The following REEP1 variants were observed in gnomAD, a reference collection of about 807,000 sequenced individuals.
REEP1 encodes receptor expression-enhancing protein 1.
REEP1 carries 22 observed loss-of-function variants against 40.3 expected under a neutral mutation model. The observed-to-expected ratio is 0.55, with a 90% CI of 0.39 to 0.78. The LOEUF (loss-of-function observed/expected upper bound fraction) is 0.78. Ranked by LOEUF, REEP1 falls within the 30% of genes least tolerant of loss-of-function variation. The pLI, the probability that REEP1 is intolerant of heterozygous loss-of-function variation, is 0.00. For missense variants in REEP1, 280 were observed against 361.1 expected, an observed-to-expected ratio of 0.78 and a Z score of 1.82; for synonymous variants, 116 against 139.2, an observed-to-expected ratio of 0.83 and a Z score of 1.17.
Position 86,290,686 on chromosome 2 carries a change from G to A in REEP1, c.33-8444C>T, listed in dbSNP as rs1678648379. On this transcript the variant is annotated intron_variant, in intron 1 of 8. Transcript: ENST00000538924. ...GAAAGGACTGTCTCAGATACGCTGTGGGCCTGGGATCTAAGTGCTTGAGAA... is the reference window on the plus strand; with the variant it reads ...GAAAGGACTGTCTCAGATACGCTGTAGGCCTGGGATCTAAGTGCTTGAGAA... Among the ~76,000 whole-genome samples, 4 of 152,194 alleles carry A rather than the reference G, an allele frequency of 2.6e-5. No homozygotes were observed. In the South Asian group the frequency reaches 8.3e-4, roughly 32 times the overall value.
chr2:86,249,223 A>C (rs1676137144), intron 5 of REEP1, among the ~76,000 whole-genome samples: 1 of 151,796 alleles, frequency 6.6e-6, no homozygotes, highest in African/African-American at 2.4e-5. Context: ...TTGTACCACT[A>C]TACTCCAGCC....
At chr2:86,259,336 T>C (rs1676734717) in intron 3 of REEP1, among the ~76,000 whole-genome samples, 1 of 151,878 alleles carries the variant, frequency 6.6e-6, no homozygotes. Flanking sequence ...TACTCTTCAG[T>C]GTATTGTTTC....
chr2:86,263,081 G>A (rs918568812), intron 3 of REEP1, among the ~76,000 whole-genome samples: 1 of 152,140 alleles, frequency 6.6e-6, no homozygotes, highest in African/African-American at 2.4e-5. Context: ...TAAAAATTAG[G>A]TAGATGTATT....
chr2:86,256,120 G>A (rs1456516983), intron 3 of REEP1, among the ~76,000 whole-genome samples: 1 of 152,012 alleles, frequency 6.6e-6, no homozygotes, highest in Non-Finnish European at 1.5e-5. Flanking sequence ...AGGAAGAGGT[G>A]GGTGGATCAC....
intron 3 of REEP1, among the ~76,000 whole-genome samples, chr2:86,255,853 C>T (rs77883234): frequency 0.027 from 4,125 of 152,302 alleles, 99 homozygotes; most frequent in Non-Finnish European, 0.038. Context: ...AGAGCTTGGT[C>T]TGAATTTCAG....
chr2:86,333,943 C>T (rs1680887300), intron 1 of REEP1, among the ~76,000 whole-genome samples: 2 of 152,182 alleles, frequency 1.3e-5, no homozygotes, highest in African/African-American at 4.8e-5. Context: ...TCAAACTGGT[C>T]CTCACTCTAA....
At chr2:86,263,800 C>T (rs969386337) in intron 3 of REEP1, among the ~76,000 whole-genome samples, 165 bp downstream of exon 3, 2 of 152,200 alleles carry the variant, frequency 1.3e-5, no homozygotes, top group African/African-American at 4.8e-5. Flanking sequence ...ACTTGAAGAA[C>T]AACTTTGTGG....
chr2:86,289,026 T>C (rs1270940471), intron 1 of REEP1, among the ~76,000 whole-genome samples: 1 of 152,216 alleles, frequency 6.6e-6, no homozygotes, highest in African/African-American at 2.4e-5. Flanking sequence ...ATGTTTTTCC[T>C]CAATATAAGC....
intron 1 of REEP1, among the ~76,000 whole-genome samples, chr2:86,286,603 T>G (rs557418736): frequency 1.3e-5 from 2 of 152,262 alleles, no homozygotes; most frequent in South Asian, 4.1e-4. Context: ...AATGCTCTGA[T>G]AGTGGGGGAT....
intron 1 of REEP1, among the ~76,000 whole-genome samples, chr2:86,282,853 A>C (rs929540073): frequency 2.6e-5 from 4 of 152,164 alleles, no homozygotes; most frequent in Admixed American, 6.5e-5. Context: ...ATCTATGCTC[A>C]GGGCTGCGTT....
chr2:86,301,956 C>T (rs763091954), intron 1 of REEP1, among the ~76,000 whole-genome samples: 14 of 152,190 alleles, frequency 9.2e-5, no homozygotes, highest in Non-Finnish European at 2.1e-4. Flanking sequence ...GTCATGACCT[C>T]CCCCCACCAT....
intron 6 of REEP1, among the ~76,000 whole-genome samples, chr2:86,229,141 G>A (rs909071628): frequency 3.3e-5 from 5 of 152,184 alleles, no homozygotes; most frequent in Non-Finnish European, 7.3e-5. Context: ...ACAACCCTAA[G>A]ACATAGGCTG....
rs2161895 is a variant in REEP1 at position 86,277,035 on chromosome 2, G to T, written c.105+5135C>A. Among the ~76,000 whole-genome samples the T allele has an allele frequency of 4.9e-3, 750 of 152,258 alleles. 4 individuals carry two copies. The highest frequency in any genetic ancestry group is 8.4e-3 in the Non-Finnish European group (573 of 68,026). ...ATGCTTCCAACAGGGGATACAAAAT[G>T]GTTTCAATGAAGTGGAAGCAGAGAC... On this transcript the variant is annotated intron_variant, in intron 2 of 8. Coordinates refer to ENST00000538924, the MANE Select transcript of REEP1 (RefSeq NM_001371279.1).
chr2:86,277,992 A>G (rs1677859886), intron 2 of REEP1, among the ~76,000 whole-genome samples: 1 of 152,216 alleles, frequency 6.6e-6, no homozygotes, highest in Non-Finnish European at 1.5e-5. Context: ...TTATTAACAA[A>G]TCCATTTCAA....
At chr2:86,312,491 A>C (rs1279154003) in intron 1 of REEP1, among the ~76,000 whole-genome samples, 1 of 152,192 alleles carries the variant, frequency 6.6e-6, no homozygotes, top group Non-Finnish European at 1.5e-5. Context: ...AGACAACACA[A>C]GAGCTGTAAA....
rs556359498 is a variant in REEP1, at chr2:86,285,550, A to T, written c.33-3308T>A. ...ACTACCCCATTTTACAGACTGGGAC[A>T]CCGAGGCTTAGCATCATTACTTACC... is the stretch of plus-strand genomic sequence containing the variant. On this transcript the variant is annotated intron_variant, in intron 1 of 8. Coordinates refer to ENST00000538924, the MANE Select transcript of REEP1 (RefSeq NM_001371279.1). Among the ~76,000 whole-genome samples the T allele has an allele frequency of 2.6e-5, 4 of 152,350 alleles. No individual in the cohort carries two copies. The East Asian group carries it at 7.7e-4, about 29-fold the overall frequency.
chr2:86,238,431 T>C (rs1239317669), intron 5 of REEP1, among the ~76,000 whole-genome samples: 1 of 152,220 alleles, frequency 6.6e-6, no homozygotes, highest in East Asian at 1.9e-4. Flanking sequence ...CACACAATGA[T>C]ATTTAAATAT....
intron 1 of REEP1, among the ~76,000 whole-genome samples, chr2:86,334,164 T>C (rs1416474126): frequency 6.6e-6 from 1 of 152,178 alleles, no homozygotes; most frequent in Non-Finnish European, 1.5e-5. Context: ...CACAATTGCT[T>C]TCTTCAAAAT....
intron 1 of REEP1, among the ~76,000 whole-genome samples, chr2:86,305,942 G>A (rs557164687): frequency 9.2e-5 from 14 of 152,160 alleles, no homozygotes; most frequent in Non-Finnish European, 1.8e-4. Flanking sequence ...TCGCCTGCTC[G>A]TAACCTTTGG....
Sources: allele counts gnomAD v4.1 joint callset (sites outside exome capture counted in the v4.1 genomes callset), GRCh38; gene constraint gnomAD v4.1.1; transcripts MANE v1.5; gene names NCBI Gene and HGNC (gene_info 2026-07-23, HGNC 2026-07-21).